CASQ2: variants seen among roughly 807,000 people sequenced by gnomAD.
The protein encoded by CASQ2 is calsequestrin 2, also known as calsequestrin-2.
Under a neutral mutation model 46.5 loss-of-function variants are expected in CASQ2, and 49 were observed. That is an observed-to-expected ratio of 1.05 (90% CI 0.84 to 1.34). The LOEUF (loss-of-function observed/expected upper bound fraction) is 1.34, where lower values mean the gene tolerates loss of function less well. CASQ2 is among the 40% of genes most tolerant of loss of function. The pLI is 0.00. For missense variants in CASQ2, 486 were observed against 481.3 expected, an observed-to-expected ratio of 1.01 and a Z score of -0.09; for synonymous variants, 174 against 168.5, an observed-to-expected ratio of 1.03 and a Z score of -0.25.
chr1:115,737,623 C>T (rs540223112), intron 4 of CASQ2, among the ~76,000 whole-genome samples: 25 of 152,330 alleles, frequency 1.6e-4, no homozygotes, highest in African/African-American at 4.8e-4. Context: ...CCCCACCACC[C>T]GCTCATCCCT....
Position 115,719,520 on chromosome 1 carries a change from G to A in CASQ2, c.784-1626C>T, listed in dbSNP as rs189541320. On this transcript the variant is annotated intron_variant, in intron 7 of 10. Coordinates refer to ENST00000261448, the MANE Select transcript of CASQ2 (RefSeq NM_001232.4). ...TTTTCTAGAAGGCTGCTCATAATAC[G>A]GCTGTCACTCCCCAGACCCAAGATG... is the stretch of plus-strand genomic sequence containing the variant. Among the ~76,000 whole-genome samples, 230 of 152,280 alleles carry A rather than the reference G, an allele frequency of 1.5e-3. 5 individuals carry two copies. Among genetic ancestry groups the A allele is most frequent in the Admixed American group, 0.015 (224 of 15,302 alleles).
chr1:115,706,580 T>C (rs898929943), intron 8 of CASQ2, among the ~76,000 whole-genome samples: 4 of 152,230 alleles, frequency 2.6e-5, no homozygotes, highest in Admixed American at 6.5e-5. Context: ...CTCAGTGGTA[T>C]ACACTCAAAA....
chr1:115,729,119 G>C (rs577603326), intron 5 of CASQ2, among the ~76,000 whole-genome samples: 1 of 139,050 alleles, frequency 7.2e-6, no homozygotes, highest in South Asian at 2.3e-4. Context: ...GCACAGTCTC[G>C]GCTCACTGCA....
intron 1 of CASQ2, among the ~76,000 whole-genome samples, chr1:115,754,389 G>A (rs911757673): frequency 6.6e-6 from 1 of 152,166 alleles, no homozygotes; most frequent in Non-Finnish European, 1.5e-5. Context: ...AAGGGAAGAT[G>A]CTATGTATTT....
At chr1:115,738,142 C>T in intron 4 of CASQ2, 82 bp downstream of exon 4, 1 of 836,700 alleles carries the variant, frequency 1.2e-6, no homozygotes, top group African/African-American at 1.7e-5. Flanking sequence ...GCTGAAGACC[C>T]ATCCTCTTTT....
intron 1 of CASQ2, among the ~76,000 whole-genome samples, chr1:115,761,478 GAAGAAGAA>G (rs1648950082): frequency 1.6e-4 from 4 of 25,366 alleles, no homozygotes; most frequent in East Asian, 3.8e-3. Flanking sequence ...AGAAGAAGAA[GAAGAAGAA>G]GGAGAAGAAG....
At chr1:115,711,606 T>TTTC (rs1654547930) in intron 8 of CASQ2, among the ~76,000 whole-genome samples, 1 of 151,174 alleles carries the variant, frequency 6.6e-6, no homozygotes, top group Non-Finnish European at 1.5e-5. Flanking sequence ...TTTTTTTTTT[T>TTTC]CACTACTTTG....
intron 3 of CASQ2, 76 bp downstream of exon 3, chr1:115,740,652 T>C: frequency 1.0e-6 from 1 of 982,178 alleles, no homozygotes; most frequent in Non-Finnish European, 1.6e-6. Context: ...CAGCTTGTCC[T>C]TTCTTTGGGG....
chr1:115,717,016 G>A (rs890668103), intron 8 of CASQ2, among the ~76,000 whole-genome samples: 3 of 152,134 alleles, frequency 2.0e-5, no homozygotes, highest in African/African-American at 7.2e-5. Flanking sequence ...CTTGGTATGA[G>A]TTCTCACAAG....
At chr1:115,705,889 G>C (rs147044527) in intron 8 of CASQ2, among the ~76,000 whole-genome samples, 6 of 151,824 alleles carry the variant, frequency 4.0e-5, no homozygotes, top group African/African-American at 1.5e-4. Flanking sequence ...TTGCCCCAGG[G>C]GTGGGATGAT....
At chr1:115,721,504 C>T (rs1426770918) in intron 7 of CASQ2, among the ~76,000 whole-genome samples, 2 of 152,138 alleles carry the variant, frequency 1.3e-5, no homozygotes, top group East Asian at 1.9e-4. Context: ...CTGGCTTTCC[C>T]ATCTTATTTA....
At chr1:115,713,715 C>G (rs1044133239) in intron 8 of CASQ2, among the ~76,000 whole-genome samples, 2 of 152,202 alleles carry the variant, frequency 1.3e-5, no homozygotes, top group African/African-American at 4.8e-5. Context: ...CTCTTCTCAC[C>G]TCCGCCTGCT....
chr1:115,732,784 A>C (rs1647831948), intron 5 of CASQ2, 117 bp downstream of exon 5: 2 of 767,340 alleles, frequency 2.6e-6, no homozygotes, highest in Non-Finnish European at 4.7e-6. Context: ...CCTTCTAGAG[A>C]AAGAGGCAAG....
intron 1 of CASQ2, among the ~76,000 whole-genome samples, chr1:115,759,884 G>T (rs1027354243): frequency 6.6e-6 from 1 of 152,176 alleles, no homozygotes; most frequent in Non-Finnish European, 1.5e-5. Context: ...TCTTTCTGAA[G>T]GTCAACTCTG....
intron 1 of CASQ2, among the ~76,000 whole-genome samples, chr1:115,765,191 C>T (rs1649090099): frequency 6.6e-6 from 1 of 152,194 alleles, no homozygotes; most frequent in African/African-American, 2.4e-5. Context: ...CTTCCATGTT[C>T]AGCTGTGAGC....
At position 115,713,759 on chromosome 1, in the gene CASQ2, G is replaced by A. The variant is rs115660926; in HGVS notation, c.838+4081C>T. On this transcript the variant is annotated intron_variant, in intron 8 of 10. Transcript: ENST00000261448. The stretch of plus-strand genomic sequence containing the variant: ...TCGTGTCCCCTTCCCCAGTACATGC[G>A]GCAGCACTGCACATGCTCAGAGCCT... Among the ~76,000 whole-genome samples the A allele has an allele frequency of 4.1e-3, 627 of 152,210 alleles. 2 individuals are homozygous for A. Among genetic ancestry groups the A allele is most frequent in the African/African-American group, 0.015 (609 of 41,526 alleles).
intron 8 of CASQ2, among the ~76,000 whole-genome samples, chr1:115,713,120 G>A (rs1654600480): frequency 6.6e-6 from 1 of 152,052 alleles, no homozygotes. Flanking sequence ...TATTCCCAGT[G>A]CCCTTTGAGG....
chr1:115,747,193 G>T (rs1648418957), intron 1 of CASQ2, among the ~76,000 whole-genome samples: 1 of 152,004 alleles, frequency 6.6e-6, no homozygotes. Context: ...TTTGCCAATA[G>T]ATGTCCGACT....
chr1:115,726,947 T>TGCCCCCCACCCCCCCC, intron 6 of CASQ2, 45 bp downstream of exon 6: 1 of 1,036,550 alleles, frequency 9.6e-7, no homozygotes. Flanking sequence ...TCCTCTCCAT[T>TGCCCCCCACCCCCCCC]CCCCAGACCC....
Sources: gnomAD v4.1 joint callset for allele counts (sites outside exome capture counted in the v4.1 genomes callset) on GRCh38, gnomAD v4.1.1 for gene constraint, MANE v1.5 for transcripts, NCBI Gene and HGNC (gene_info 2026-07-23, HGNC 2026-07-21) for gene names.